PAQR5: variants seen among roughly 807,000 people sequenced by gnomAD.
The protein encoded by PAQR5 is progestin and adipoQ receptor family member 5.
A neutral mutation model predicts 34.5 loss-of-function variants in PAQR5; 20 were observed. The ratio of observed to expected loss-of-function variants is 0.58; its 90% confidence interval spans 0.41 to 0.84. The LOEUF (loss-of-function observed/expected upper bound fraction) is 0.84. Among genes scored for constraint, PAQR5 ranks in the 40% least tolerant of loss-of-function variants. The probability of loss-of-function intolerance (pLI) is 0.00; values close to 1 mark genes in which losing one functional copy is unlikely to be tolerated. For missense variants in PAQR5, 378 were observed against 412.7 expected, an observed-to-expected ratio of 0.92 and a Z score of 0.73; for synonymous variants, 131 against 155.6, an observed-to-expected ratio of 0.84 and a Z score of 1.18.
intron 7 of PAQR5, 70 bp downstream of exon 7, chr15:69,397,634 TG>T (rs745717225): frequency 5.7e-6 from 6 of 1,048,438 alleles, no homozygotes; most frequent in Non-Finnish European, 9.0e-6. Context: ...CCTGAGCTTC[TG>T]GGGGGTCACA....
rs953933234 is a variant in PAQR5 at position 69,389,528 on chromosome 15, C to T, written c.386-126C>T. The T allele has an allele frequency of 9.9e-6, 12 of 1,206,696 alleles. No homozygotes were observed. In the Admixed American group the frequency reaches 1.2e-4, roughly 12 times the overall value. 74.7% of individuals were successfully genotyped at this position (1,206,696 alleles called of 1,614,324 possible). ...ATCCTAGAAGGGGGAATGGCACCAG[C>T]GAGGGCGCAGAGCCAGGACTGTGGG... On this transcript the variant is annotated intron_variant, in intron 5 of 8. Coordinates refer to ENST00000395407, the MANE Select transcript of PAQR5 (RefSeq NM_017705.4).
At chr15:69,323,025 T>C (rs866891064) in intron 1 of PAQR5, among the ~76,000 whole-genome samples, 1 of 139,514 alleles carries the variant, frequency 7.2e-6, no homozygotes, top group Non-Finnish European at 1.5e-5. Flanking sequence ...TGCGGAGGGC[T>C]TGAGGATATG....
intron 8 of PAQR5, among the ~76,000 whole-genome samples, 200 bp downstream of exon 8, chr15:69,400,315 G>A (rs951883589): frequency 6.6e-6 from 1 of 152,248 alleles, no homozygotes; most frequent in African/African-American, 2.4e-5. Flanking sequence ...ATGGAGGGCA[G>A]GTGGGCCCAG....
At chr15:69,312,938 G>A (rs771401903) in intron 1 of PAQR5, among the ~76,000 whole-genome samples, 25 of 152,190 alleles carry the variant, frequency 1.6e-4, no homozygotes, top group Non-Finnish European at 3.2e-4. Context: ...GGAAGTTCAC[G>A]AACACATGCA....
intron 3 of PAQR5, among the ~76,000 whole-genome samples, chr15:69,360,608 A>G (rs2055206710): frequency 6.6e-6 from 1 of 152,102 alleles, no homozygotes; most frequent in Non-Finnish European, 1.5e-5. Context: ...CCTTTAGTGG[A>G]CCCATGGGCC....
intron 6 of PAQR5, among the ~76,000 whole-genome samples, chr15:69,393,671 C>T (rs2056333023): frequency 6.6e-6 from 1 of 152,136 alleles, no homozygotes; most frequent in African/African-American, 2.4e-5. Context: ...ACCTTCCCCT[C>T]CAGGGAGGGG....
chr15:69,357,637 A>G (rs79657124), intron 2 of PAQR5, among the ~76,000 whole-genome samples: 2 of 152,336 alleles, frequency 1.3e-5, no homozygotes, highest in East Asian at 3.9e-4. Flanking sequence ...TTTAATGAAC[A>G]CTTCGGTTGC....
At chr15:69,367,481 T>C (rs1442495524) in intron 3 of PAQR5, among the ~76,000 whole-genome samples, 1 of 152,184 alleles carries the variant, frequency 6.6e-6, no homozygotes, top group Admixed American at 6.5e-5. Context: ...TCACACTACA[T>C]AGCTAAGTGG....
intron 6 of PAQR5, among the ~76,000 whole-genome samples, chr15:69,395,793 G>A (rs1243103930): frequency 6.6e-6 from 1 of 152,100 alleles, no homozygotes; most frequent in Non-Finnish European, 1.5e-5. Context: ...GGGGGATGAT[G>A]CATCCTAGTT....
intron 3 of PAQR5, among the ~76,000 whole-genome samples, chr15:69,369,745 A>ATTTT (rs3085530): frequency 5.4e-5 from 8 of 148,452 alleles, no homozygotes; most frequent in East Asian, 2.0e-4. Context: ...TTTGGGAGAG[A>ATTTT]TTTTTTTTTT....
chr15:69,382,776 CCA>C (rs2055937470), intron 4 of PAQR5: 1 of 61,912 alleles, frequency 1.6e-5, no homozygotes, highest in African/African-American at 8.1e-5. Context: ...ATATATGTGA[CCA>C]TATATATATA....
intron 1 of PAQR5, among the ~76,000 whole-genome samples, chr15:69,329,681 C>T (rs1466678054): frequency 6.6e-6 from 1 of 151,878 alleles, no homozygotes; most frequent in Non-Finnish European, 1.5e-5. Context: ...GACAGGGTTT[C>T]ATCATGTTGT....
rs2054146106 is a variant in PAQR5, at chr15:69,322,769, AGAGGGAGAAGAAGAAGACGAG to A, written c.-276-14569_-276-14549del. ...AAGAAGAAGAAGAAGAAGAAGAAGA[AGAGGGAGAAGAAGAAGACGAG>A]GAAGAAGAAGAAGAGGAAGAGGAAG... On this transcript the variant is annotated intron_variant, in intron 1 of 8. Transcript: ENST00000395407. 5.1e-3 allele frequency among the ~76,000 whole-genome samples: 152 copies of A among 29,576 alleles called. 24 individuals carry two copies. Among genetic ancestry groups the A allele is most frequent in the Middle Eastern group, 0.03 (2 of 66 alleles). The allele number at this position is 29,576 out of a possible 152,430, so 19.4% of individuals were successfully genotyped here.
At chr15:69,379,531 A>G in intron 3 of PAQR5, 1 of 985,412 alleles carries the variant, frequency 1.0e-6, no homozygotes, top group Non-Finnish European at 1.2e-6. Flanking sequence ...GCTCACCAAA[A>G]AGGCGTCCAA....
chr15:69,335,574 G>C (rs1394354192), intron 1 of PAQR5, among the ~76,000 whole-genome samples: 1 of 102,464 alleles, frequency 9.8e-6, no homozygotes, highest in Non-Finnish European at 1.8e-5. Context: ...TTTTGAGACA[G>C]AGTCTCACTC....
intron 3 of PAQR5, among the ~76,000 whole-genome samples, chr15:69,364,217 C>A (rs2055321318): frequency 6.6e-6 from 1 of 151,954 alleles, no homozygotes; most frequent in Non-Finnish European, 1.5e-5. Flanking sequence ...GCACTGGGAA[C>A]AAGGAGCCAT....
At chr15:69,302,687 G>A (rs1481397955) in intron 1 of PAQR5, among the ~76,000 whole-genome samples, 3 of 152,116 alleles carry the variant, frequency 2.0e-5, no homozygotes, top group Admixed American at 2.0e-4. Context: ...TTGACTTGAG[G>A]ACAGGCCAGC....
At chr15:69,359,864 T>C (rs1459138539) in intron 2 of PAQR5, 102 bp from the exon 3 acceptor site, 2 of 525,406 alleles carry the variant, frequency 3.8e-6, no homozygotes, top group East Asian at 3.2e-5. Flanking sequence ...TGTGCCATCA[T>C]GTGTAGCAAG....
intron 1 of PAQR5, among the ~76,000 whole-genome samples, chr15:69,304,240 G>A (rs1221533966): frequency 6.6e-6 from 1 of 152,144 alleles, no homozygotes; most frequent in African/African-American, 2.4e-5. Flanking sequence ...AGAGCTTCAT[G>A]CACTACTGCC....
Sources: allele counts gnomAD v4.1 joint callset (sites outside exome capture counted in the v4.1 genomes callset), GRCh38; gene constraint gnomAD v4.1.1; transcripts MANE v1.5; gene names NCBI Gene and HGNC (gene_info 2026-07-23, HGNC 2026-07-21).